PCDHGB1: variants seen among roughly 807,000 people sequenced by gnomAD.
The protein encoded by PCDHGB1 is protocadherin gamma subfamily B, 1, also known as protocadherin gamma-B1.
A neutral mutation model predicts 56.6 loss-of-function variants in PCDHGB1; 34 were observed. That is an observed-to-expected ratio of 0.60 (90% CI 0.46 to 0.80). The LOEUF (loss-of-function observed/expected upper bound fraction) is 0.80. Among genes scored for constraint, PCDHGB1 ranks in the 30% least tolerant of loss-of-function variants. PCDHGB1 has a pLI of 0.00. For missense variants in PCDHGB1, 1,278 were observed against 1,204.6 expected (o/e 1.06, Z -0.90); for synonymous variants, 561 against 505.9 (o/e 1.11, Z -1.46).
intron 1 of PCDHGB1, among the ~76,000 whole-genome samples, chr5:141,457,612 G>T (rs1011626121): frequency 1.8e-4 from 27 of 152,232 alleles, no homozygotes; most frequent in Non-Finnish European, 2.9e-4. Flanking sequence ...AATTATGAAT[G>T]AACTTTAATC....
chr5:141,354,988 A>G (rs1434230947), intron 1 of PCDHGB1: 4 of 629,658 alleles, frequency 6.4e-6, no homozygotes, highest in Non-Finnish European at 9.8e-6. Flanking sequence ...CTGTTCACCA[A>G]TCAGGGGGAA....
chr5:141,450,669 T>C (rs2098689726), intron 1 of PCDHGB1, among the ~76,000 whole-genome samples: 1 of 151,904 alleles, frequency 6.6e-6, no homozygotes, highest in Admixed American at 6.6e-5. Context: ...GTACTTTTAG[T>C]AGAAACGGGG....
intron 1 of PCDHGB1, chr5:141,393,472 C>A: frequency 6.2e-7 from 1 of 1,614,024 alleles, no homozygotes; most frequent in Non-Finnish European, 8.5e-7. Context: ...GGCGGCAAGC[C>A]GCCTCGCTCT....
chr5:141,361,116 A>G, intron 1 of PCDHGB1: 1 of 1,614,026 alleles, frequency 6.2e-7, no homozygotes, highest in Non-Finnish European at 8.5e-7. Context: ...CTGGAGATCT[A>G]GCAGCCCACT....
rs978973236 is a variant in PCDHGB1, at chr5:141,399,545, C to G, written c.2409+46876C>G. 8 of 1,614,050 alleles carry G rather than the reference C, an allele frequency of 5.0e-6. No homozygotes were observed. In the South Asian group the frequency reaches 6.6e-5, roughly 13 times the overall value. ...GCCTCCATCGCGCAAGTCTGCGCCT[C>G]GGACCTGGACTTGGGGTTGAACGGC... On this transcript the variant is annotated intron_variant, in intron 1 of 3. Transcript: ENST00000523390.
At chr5:141,482,239 A>G (rs529504334) in intron 1 of PCDHGB1, among the ~76,000 whole-genome samples, 31 of 152,332 alleles carry the variant, frequency 2.0e-4, no homozygotes, top group Middle Eastern at 3.4e-3. Context: ...TGCCAATATA[A>G]GTATAGTACT....
intron 1 of PCDHGB1, chr5:141,428,054 G>A (rs763394113): frequency 6.2e-7 from 1 of 1,609,038 alleles, no homozygotes; most frequent in Admixed American, 1.7e-5. Context: ...CCAAGGTGGT[G>A]GCGGTGGACG....
intron 1 of PCDHGB1, among the ~76,000 whole-genome samples, chr5:141,452,745 G>A (rs1246578948): frequency 6.6e-6 from 1 of 152,054 alleles, no homozygotes; most frequent in African/African-American, 2.4e-5. Flanking sequence ...AGAGAGAGAA[G>A]GAAGAAGGAA....
chr5:141,383,002 G>T lies in PCDHGB1; in HGVS notation c.2409+30333G>T, dbSNP rs376825891. On this transcript the variant is annotated intron_variant, in intron 1 of 3. Coordinates refer to ENST00000523390, the MANE Select transcript of PCDHGB1 (RefSeq NM_018922.3). ...CTGGGCAGGACGTATTCTCTACTCC[G>T]TGTCGGAGGAGACGGACAAAGGGTC... The T allele has an allele frequency of 1.2e-6, 2 of 1,613,650 alleles. No individual in the cohort carries two copies. Among genetic ancestry groups the T allele is most frequent in the African/African-American group, 1.3e-5 (1 of 74,948 alleles).
chr5:141,409,102 G>T, intron 1 of PCDHGB1: 2 of 1,613,996 alleles, frequency 1.2e-6, no homozygotes, highest in Non-Finnish European at 8.5e-7. Flanking sequence ...AAACAGGTAT[G>T]ATTAAGAATA....
intron 1 of PCDHGB1, chr5:141,394,020 A>G (rs1311759353): frequency 6.2e-7 from 1 of 1,613,426 alleles, no homozygotes; most frequent in African/African-American, 1.3e-5. Context: ...TAATTATTAT[A>G]GATTAGTGAC....
At chr5:141,390,355 T>C in intron 1 of PCDHGB1, 1 of 1,554,132 alleles carries the variant, frequency 6.4e-7, no homozygotes, top group Non-Finnish European at 8.8e-7. Flanking sequence ...AATATACATA[T>C]TTGCAGGAAA....
intron 1 of PCDHGB1, among the ~76,000 whole-genome samples, chr5:141,368,418 C>T (rs900475328): frequency 3.3e-5 from 5 of 151,998 alleles, no homozygotes; most frequent in Admixed American, 2.0e-4. Flanking sequence ...CACACATGGA[C>T]ATTCTGACCA....
intron 1 of PCDHGB1, among the ~76,000 whole-genome samples, chr5:141,450,397 C>T (rs529143168): frequency 6.6e-6 from 1 of 152,300 alleles, no homozygotes; most frequent in South Asian, 2.1e-4. Flanking sequence ...TTTGTAAAGA[C>T]TAGAAGCCAT....
intron 2 of PCDHGB1, among the ~76,000 whole-genome samples, chr5:141,503,081 C>G (rs1354848667): frequency 6.6e-6 from 1 of 151,960 alleles, no homozygotes; most frequent in Non-Finnish European, 1.5e-5. Flanking sequence ...TCTCGATCTC[C>G]TGACCTCGTG....
intron 2 of PCDHGB1, among the ~76,000 whole-genome samples, chr5:141,504,870 AG>A (rs1453764331): frequency 6.6e-6 from 1 of 151,996 alleles, no homozygotes; most frequent in Non-Finnish European, 1.5e-5. Context: ...CCACCTTCAC[AG>A]TCCTCTGGAG....
intron 1 of PCDHGB1, among the ~76,000 whole-genome samples, chr5:141,484,030 T>G (rs1290301073): frequency 6.6e-6 from 1 of 151,022 alleles, no homozygotes; most frequent in African/African-American, 2.4e-5. Flanking sequence ...TGAGATCAAG[T>G]CTCCAGCTCC....
rs1182148013 is a variant in PCDHGB1, at chr5:141,431,510, G to C, written c.2410-63297G>C. On this transcript the variant is annotated intron_variant, in intron 1 of 3. Transcript: ENST00000523390. This position sits in a 1 kb window ranked among gnomAD's most constrained non-coding sequence, Gnocchi z 4.8. ...TGCTCAGCCCGAGTACCGCGCGAGC[G>C]TTCCGGAGAATCTGGCCTTGGGCAC... 6.2e-7 allele frequency: 1 copy of C among 1,614,022 alleles called. No homozygotes were observed. The highest frequency in any genetic ancestry group is 8.5e-7 in the Non-Finnish European group (1 of 1,180,026).
intron 1 of PCDHGB1, chr5:141,414,177 T>G (rs370827396): frequency 1.7e-5 from 28 of 1,607,906 alleles, no homozygotes; most frequent in Non-Finnish European, 2.2e-5. Flanking sequence ...ATCTTGCAAC[T>G]GCAAAAGTGT....
Sources: gnomAD v4.1 joint callset for allele counts (sites outside exome capture counted in the v4.1 genomes callset) on GRCh38, gnomAD v4.1.1 for gene constraint, Gnocchi (gnomAD v3.1) non-coding constraint, MANE v1.5 for transcripts, NCBI Gene and HGNC (gene_info 2026-07-23, HGNC 2026-07-21) for gene names.